The following CEACAM5 variants were observed in gnomAD, a reference collection of about 807,000 sequenced individuals.
CEACAM5 encodes the protein CEA cell adhesion molecule 5.
CEACAM5 carries 52 observed loss-of-function variants against 63.0 expected under a neutral mutation model. The ratio of observed to expected loss-of-function variants is 0.83; its 90% confidence interval spans 0.66 to 1.04. The LOEUF (loss-of-function observed/expected upper bound fraction) is 1.04, where lower values mean the gene tolerates loss of function less well. Ranked by LOEUF, CEACAM5 falls within the 50% of genes least tolerant of loss-of-function variation. The pLI, the probability that CEACAM5 is intolerant of heterozygous loss-of-function variation, is 0.00. For synonymous variants in CEACAM5, 357 were observed against 351.3 expected (o/e 1.02, Z -0.18); for missense variants, 790 against 864.8 (o/e 0.91, Z 1.08).
At chr19:41,725,760 G>A (rs1328865997) in intron 8 of CEACAM5, among the ~76,000 whole-genome samples, 3 of 151,846 alleles carry the variant, frequency 2.0e-5, no homozygotes, top group African/African-American at 7.3e-5. Context: ...GATCTTTTTT[G>A]AAGAACCAAC....
chr19:41,720,314 C>T (rs2072598951), intron 7 of CEACAM5, 106 bp downstream of exon 7: 24 of 1,348,292 alleles, frequency 1.8e-5, no homozygotes, highest in Non-Finnish European at 2.1e-6. Context: ...AGACTCCCAC[C>T]CCTGGACACC....
rs182962763 is a variant in CEACAM5 at position 41,712,695 on chromosome 19, C to G, written c.425-2276C>G. ...ACCACTTTCAGCATCTTCCTTTGAG[C>G]ATAATGTGATCACTTTGGAATTCAG... On this transcript the variant is annotated intron_variant, in intron 2 of 9. Coordinates refer to ENST00000221992, the MANE Select transcript of CEACAM5 (RefSeq NM_004363.6). Among the ~76,000 whole-genome samples, 36 of 152,288 alleles carry G rather than the reference C, an allele frequency of 2.4e-4. No homozygotes were observed. In the East Asian group the frequency reaches 6.4e-3, roughly 27 times the overall value.
intron 1 of CEACAM5, 112 bp from the exon 2 acceptor site, chr19:41,709,560 ACACACACT>A: frequency 2.1e-6 from 3 of 1,463,338 alleles, no homozygotes; most frequent in Non-Finnish European, 2.8e-6. Context: ...ACACACACAC[ACACACACT>A]CACTCACTCC....
Position 41,720,785 on chromosome 19 carries a change from C to T in CEACAM5, c.1772-137C>T, listed in dbSNP as rs1238980764. 7 of 1,140,524 alleles carry T rather than the reference C, an allele frequency of 6.1e-6. No individual in the cohort carries two copies. In the East Asian group the frequency reaches 1.7e-4, roughly 27 times the overall value. The allele number at this position is 1,140,524 out of a possible 1,614,324, so 70.7% of individuals were successfully genotyped here. A position where few individuals can be genotyped will look rare whatever the true frequency, so the allele number is the denominator to read the frequency against. On this transcript the variant is annotated intron_variant, in intron 7 of 9. Coordinates refer to ENST00000221992, the MANE Select transcript of CEACAM5 (RefSeq NM_004363.6). ...AAAGTGCTGGGATTACAGGCGTGAG[C>T]CACCGCACCCGGCCGATTTGGACTT...
rs550022667 is a variant in CEACAM5, at chr19:41,721,087, C to T, written c.1937C>T (p.Thr646Met). The T allele has an allele frequency of 2.2e-5, 36 of 1,614,222 alleles. No individual in the cohort carries two copies. The highest frequency in any genetic ancestry group is 1.8e-4 in the Admixed American group (11 of 60,024). The change falls in exon 8 of 10, where the codon ACG (threonine) becomes ATG (methionine). Residue 646 changes from threonine (T) to methionine (M), a missense_variant. Thr to Met is a moderately conservative substitution (Grantham distance 81, BLOSUM62 -1). Coordinates refer to ENST00000221992, the MANE Select transcript of CEACAM5 (RefSeq NM_004363.6). ...CAAGTTCTCTTTATCGCCAAAATCA[C>T]GCCAAATAATAACGGGACCTATGCC... ...HTQVLFIAKI[T>M]PNNNGTYACF...
chr19:41,715,449 C>A, intron 3 of CEACAM5, 200 bp downstream of exon 3: 1 of 1,124,248 alleles, frequency 8.9e-7, no homozygotes, highest in Non-Finnish European at 1.3e-6. Context: ...CTGCTTCTGT[C>A]CTGGGAGGCT....
At position 41,721,052 on chromosome 19, in the gene CEACAM5, G is replaced by A; in HGVS notation, c.1902G>A (p.Gln634=). 6.2e-7 allele frequency: 1 copy of A among 1,614,216 alleles called. No individual in the cohort carries two copies. The highest frequency in any genetic ancestry group is 1.1e-5 in the South Asian group (1 of 91,084). Reference sequence around the variant, plus strand: ...CTTGGCGTATCAATGGGATACCGCAGCAACACACACAAGTTCTCTTTATCG... The same window carrying A: ...CTTGGCGTATCAATGGGATACCGCAACAACACACACAAGTTCTCTTTATCG... The part of the protein sequence containing the change: ...QYSWRINGIP[Q]QHTQVLFIAK... Residue 634 remains glutamine (Q), a synonymous_variant, in exon 8 of 10, where the codon CAG becomes CAA. Transcript: ENST00000221992.
chr19:41,712,362 G>A (rs782449279), intron 2 of CEACAM5, among the ~76,000 whole-genome samples: 8 of 152,186 alleles, frequency 5.3e-5, no homozygotes, highest in Non-Finnish European at 7.3e-5. Context: ...AGCCACTGGC[G>A]TCTCACTTAG....
At chr19:41,708,946 A>T (rs959646885) in intron 1 of CEACAM5, 151 bp downstream of exon 1, 1 of 592,526 alleles carries the variant, frequency 1.7e-6, no homozygotes, top group African/African-American at 1.9e-5. Flanking sequence ...AGAAAAATCA[A>T]ATTGAACTGG....
chr19:41,714,176 G>C (rs2072481938), intron 2 of CEACAM5, among the ~76,000 whole-genome samples: 1 of 152,074 alleles, frequency 6.6e-6, no homozygotes, highest in African/African-American at 2.4e-5. Flanking sequence ...GATCGTGCCT[G>C]GCCAACACAG....
rs970762494 is a variant in CEACAM5, at chr19:41,713,948, C to T, written c.425-1023C>T. Among the ~76,000 whole-genome samples, 109 of 152,294 alleles carry T rather than the reference C, an allele frequency of 7.2e-4. 1 individual carries two copies. Among genetic ancestry groups the T allele is most frequent in the African/African-American group, 2.5e-3 (105 of 41,564 alleles). On this transcript the variant is annotated intron_variant, in intron 2 of 9. Coordinates refer to ENST00000221992, the MANE Select transcript of CEACAM5 (RefSeq NM_004363.6). ...ACCAAAGACAGGCCGGGTGCAGTGG[C>T]TCATGCTTGTAATCCCAGCACTTTG...
Position 41,709,712 on chromosome 19 carries a change from A to G in CEACAM5, c.97A>G (p.Thr33Ala). The change falls in exon 2 of 10, where the codon ACT (threonine) becomes GCT (alanine). Residue 33 changes from threonine to alanine, a missense_variant. Physicochemically the swap from Thr to Ala is moderately conservative, Grantham distance 58 (BLOSUM62 0). Coordinates refer to ENST00000221992, the MANE Select transcript of CEACAM5 (RefSeq NM_004363.6). The stretch of plus-strand genomic sequence containing the variant: ...TCTAACCTTCTGGAACCCGCCCACC[A>G]CTGCCAAGCTCACTATTGAATCCAC... ...SLLTFWNPPT[T>A]AKLTIESTPF... 5 of 1,614,032 alleles carry G rather than the reference A, an allele frequency of 3.1e-6. No individual in the cohort carries two copies. Among genetic ancestry groups the G allele is most frequent in the Non-Finnish European group, 4.2e-6 (5 of 1,179,968 alleles).
chr19:41,708,801 G>A lies in CEACAM5; in HGVS notation c.64+6G>A, dbSNP rs1394559922. 1.2e-6 allele frequency: 2 copies of A among 1,610,072 alleles called. No individual in the cohort carries two copies. The highest frequency in any genetic ancestry group is 1.3e-5 in the African/African-American group (1 of 74,868). ...GCAGAGGCTCCTGCTCACAGGTGAA[G>A]GGAGGACAACCTGGGAGAGGGTGGG... On this transcript the variant is annotated splice_donor_region_variant and intron_variant, in intron 1 of 9. Coordinates refer to ENST00000221992, the MANE Select transcript of CEACAM5 (RefSeq NM_004363.6).
chr19:41,715,848 C>T lies in CEACAM5; in HGVS notation c.902C>T (p.Ala301Val), dbSNP rs111739385. The change falls in exon 4 of 10, where the codon GCC (alanine) becomes GTC (valine). Residue 301 changes from alanine (A) to valine (V), a missense_variant. Coordinates refer to ENST00000221992, the MANE Select transcript of CEACAM5 (RefSeq NM_004363.6). ...AATAGTGGATCCTATACGTGCCAAG[C>T]CCATAACTCAGACACTGGCCTCAAT... ...VNNSGSYTCQ[A>V]HNSDTGLNRT... 3,453 of 1,614,180 alleles carry T rather than the reference C, an allele frequency of 2.1e-3. 40 individuals carry two copies. In the African/African-American group the frequency reaches 0.03, roughly 14 times the overall value.
chr19:41,726,511 T>C (rs1263478767), intron 8 of CEACAM5, among the ~76,000 whole-genome samples: 4 of 152,176 alleles, frequency 2.6e-5, no homozygotes, highest in African/African-American at 9.7e-5. Context: ...TATGTTAGTT[T>C]TCATCCACTG....
chr19:41,710,163 A>G, intron 2 of CEACAM5, 124 bp downstream of exon 2: 3 of 1,388,606 alleles, frequency 2.2e-6, no homozygotes, highest in Non-Finnish European at 3.0e-6. Context: ...GGGTTTGGGC[A>G]TTTAGTGCAG....
chr19:41,714,858 T>A (rs73932034), intron 2 of CEACAM5, 113 bp from the exon 3 acceptor site: 2 of 1,555,922 alleles, frequency 1.3e-6, no homozygotes, highest in African/African-American at 2.7e-5. Flanking sequence ...CCACCGTGGG[T>A]TTTTAAGGGC....
rs183268417 is a variant in CEACAM5, at chr19:41,718,442, G to C, written c.1492+60G>C. The C allele has an allele frequency of 2.7e-4, 431 of 1,578,702 alleles. 1 individual carries two copies. In the African/African-American group the frequency reaches 4.8e-3, roughly 17 times the overall value. On this transcript the variant is annotated intron_variant, in intron 6 of 9. Transcript: ENST00000221992. ...TGGAGCGGAATCTGTCTGGTTTTCA[G>C]AAAAGAGCCAGGAAGAAATTTTCTT...
At chr19:41,721,687 C>T (rs1304219474) in intron 8 of CEACAM5, among the ~76,000 whole-genome samples, 1 of 152,254 alleles carries the variant, frequency 6.6e-6, no homozygotes, top group Non-Finnish European at 1.5e-5. Context: ...CTGGCTCTGC[C>T]CTGGCTCCAC....
Sources: allele counts gnomAD v4.1 joint callset (sites outside exome capture counted in the v4.1 genomes callset), GRCh38; gene constraint gnomAD v4.1.1; transcripts MANE v1.5; gene names NCBI Gene and HGNC (gene_info 2026-07-23, HGNC 2026-07-21).